ACYP2: variants seen among roughly 807,000 people sequenced by gnomAD.
ACYP2 encodes the protein acylphosphatase-2.
Under a neutral mutation model 11.2 loss-of-function variants are expected in ACYP2, and 12 were observed. That is an observed-to-expected ratio of 1.08 (90% CI 0.69 to 1.74). The LOEUF (loss-of-function observed/expected upper bound fraction) is 1.74, where lower values mean the gene tolerates loss of function less well. ACYP2 is among the 40% of genes most tolerant of loss of function. ACYP2 has a pLI of 0.00. For synonymous variants in ACYP2, 43 were observed against 32.2 expected, an observed-to-expected ratio of 1.33 and a Z score of -1.13; for missense variants, 134 against 101.9, an observed-to-expected ratio of 1.31 and a Z score of -1.35.
intron 6 of ACYP2, among the ~76,000 whole-genome samples, chr2:54,278,589 C>G (rs1573040262): frequency 6.6e-6 from 1 of 152,154 alleles, no homozygotes; most frequent in African/African-American, 2.4e-5. Flanking sequence ...TTAGCAATGT[C>G]TACCATTGGA....
chr2:54,203,755 C>T (rs115583704), intron 6 of ACYP2, among the ~76,000 whole-genome samples: 1,768 of 150,774 alleles, frequency 0.012, 29 homozygotes, highest in African/African-American at 0.041. Context: ...GGTATATTAC[C>T]TTGATTGCTT....
chr2:54,078,422 C>T (rs1047176511), intron 4 of ACYP2, among the ~76,000 whole-genome samples: 8 of 72,776 alleles, frequency 1.1e-4, no homozygotes, highest in Admixed American at 2.7e-4. Flanking sequence ...ATATATGGTA[C>T]GCATATATAT....
chr2:54,150,451 C>T (rs528611022), intron 6 of ACYP2, among the ~76,000 whole-genome samples: 5 of 152,132 alleles, frequency 3.3e-5, no homozygotes, highest in Non-Finnish European at 7.3e-5. Context: ...GACAGAGTTT[C>T]GCCTTGTGGC....
intron 2 of ACYP2, among the ~76,000 whole-genome samples, chr2:54,040,995 G>A (rs1675191258): frequency 1.3e-5 from 2 of 152,200 alleles, no homozygotes; most frequent in African/African-American, 4.8e-5. Flanking sequence ...ATTGAGAGGA[G>A]AATTGCTGGA....
intron 2 of ACYP2, among the ~76,000 whole-genome samples, chr2:54,050,066 T>A (rs1675756311): frequency 6.6e-6 from 1 of 152,190 alleles, no homozygotes; most frequent in Admixed American, 6.5e-5. Context: ...AGTCCTTACT[T>A]AACATCAATA....
At chr2:54,256,027 C>A in intron 6 of ACYP2, 1 of 1,614,160 alleles carries the variant, frequency 6.2e-7, no homozygotes, top group Non-Finnish European at 8.5e-7. Flanking sequence ...CTCCAAGCGG[C>A]CATCAAACAT....
intron 4 of ACYP2, among the ~76,000 whole-genome samples, chr2:54,058,828 G>T (rs1676307104): frequency 6.6e-6 from 1 of 151,936 alleles, no homozygotes; most frequent in Non-Finnish European, 1.5e-5. Flanking sequence ...GTGTGAGGGA[G>T]AAGTTTTATG....
At chr2:54,175,294 C>G (rs967824730) in intron 6 of ACYP2, among the ~76,000 whole-genome samples, 4 of 152,090 alleles carry the variant, frequency 2.6e-5, no homozygotes, top group Non-Finnish European at 5.9e-5. Flanking sequence ...TCCATTTCTT[C>G]TATATTTTCT....
At chr2:53,992,036 T>TCCCTCCTTCCC (rs1672322759) in intron 2 of ACYP2, among the ~76,000 whole-genome samples, 1 of 151,632 alleles carries the variant, frequency 6.6e-6, no homozygotes, top group South Asian at 2.1e-4. Flanking sequence ...CCCTCCTTCC[T>TCCCTCCTTCCC]TCCTCCCTCC....
chr2:54,186,765 C>A (rs1455068485), intron 6 of ACYP2, among the ~76,000 whole-genome samples: 1 of 152,170 alleles, frequency 6.6e-6, no homozygotes, highest in Non-Finnish European at 1.5e-5. Context: ...CCACCTGCCT[C>A]AGCCTCCCCA....
At chr2:54,273,482 T>G (rs1688407131) in intron 6 of ACYP2, among the ~76,000 whole-genome samples, 1 of 152,190 alleles carries the variant, frequency 6.6e-6, no homozygotes, top group Admixed American at 6.5e-5. Flanking sequence ...TTGTTTTTGT[T>G]TTAGACAGAT....
chr2:54,101,392 C>T (rs547133345), intron 4 of ACYP2, among the ~76,000 whole-genome samples: 2 of 152,022 alleles, frequency 1.3e-5, no homozygotes, highest in East Asian at 1.9e-4. Flanking sequence ...TGCCAGGGGC[C>T]GGGCGCGGTG....
In ACYP2 at chr2:54,074,578, T is replaced by TTGTGTGTGTG. The variant is rs59845178; in HGVS notation, c.277+17252_277+17261dup. 1.7e-3 allele frequency among the ~76,000 whole-genome samples: 246 copies of TTGTGTGTGTG among 146,052 alleles called. 2 individuals are homozygous for TTGTGTGTGTG. The highest frequency in any genetic ancestry group is 6.8e-3 in the Middle Eastern group (2 of 292). On this transcript the variant is annotated intron_variant, in intron 4 of 6. Coordinates refer to ENST00000607452, the MANE Select transcript of ACYP2 (RefSeq NM_001320586.2). ...TAATTATATATAAATAGAACAGAATTTGTGTGTGTGTGTGTGTGTGTGTGT... is the reference window on the plus strand; with the variant it reads ...TAATTATATATAAATAGAACAGAATTTGTGTGTGTGTGTGTGTGTGTGTGTGTGTGTGTGT...
At chr2:54,200,159 T>C (rs1684695973) in intron 6 of ACYP2, among the ~76,000 whole-genome samples, 1 of 152,230 alleles carries the variant, frequency 6.6e-6, no homozygotes, top group Admixed American at 6.5e-5. Flanking sequence ...CTGAGTTTGG[T>C]ATCTCTCAAT....
intron 6 of ACYP2, among the ~76,000 whole-genome samples, chr2:54,193,217 G>A (rs555827995): frequency 1.6e-3 from 249 of 152,252 alleles, no homozygotes; most frequent in Non-Finnish European, 2.9e-3. Context: ...GTCAAGTACC[G>A]TACTTTTTAG....
intron 6 of ACYP2, among the ~76,000 whole-genome samples, chr2:54,283,485 G>T (rs1688933862): frequency 6.6e-6 from 1 of 152,096 alleles, no homozygotes; most frequent in Non-Finnish European, 1.5e-5. Flanking sequence ...CAACACTCCT[G>T]TAAGGTATAA....
chr2:54,021,055 T>G (rs973948324), intron 2 of ACYP2, among the ~76,000 whole-genome samples: 2 of 152,176 alleles, frequency 1.3e-5, no homozygotes, highest in Non-Finnish European at 2.9e-5. Flanking sequence ...GGGGTTTTAT[T>G]CCTGATGCAG....
At chr2:54,087,135 A>C (rs1157664628) in intron 4 of ACYP2, among the ~76,000 whole-genome samples, 7 of 152,254 alleles carry the variant, frequency 4.6e-5, no homozygotes, top group Non-Finnish European at 1.0e-4. Flanking sequence ...TTAGAGTTTA[A>C]GGAACCAATG....
chr2:54,070,269 T>TG (rs1572688561), intron 4 of ACYP2, among the ~76,000 whole-genome samples: 1 of 59,368 alleles, frequency 1.7e-5, no homozygotes, highest in Non-Finnish European at 3.4e-5. Context: ...AAAGTCCATC[T>TG]CAAAAAAAAA....
Sources: gnomAD v4.1 joint callset for allele counts (sites outside exome capture counted in the v4.1 genomes callset) on GRCh38, gnomAD v4.1.1 for gene constraint, MANE v1.5 for transcripts, NCBI Gene and HGNC (gene_info 2026-07-23, HGNC 2026-07-21) for gene names.